Variants in MAGI2 observed in about 807,000 individuals in gnomAD.
The protein encoded by MAGI2 is membrane associated guanylate kinase, WW and PDZ domain containing 2.
Under a neutral mutation model 133.3 loss-of-function variants are expected in MAGI2, and 35 were observed. That is an observed-to-expected ratio of 0.26 (90% confidence interval 0.20 to 0.35). The LOEUF is 0.35. Among genes scored for constraint, MAGI2 ranks in the 10% least tolerant of loss-of-function variants. The pLI is 1.00. For missense variants in MAGI2, 1,636 were observed against 1,863.4 expected (o/e 0.88, Z 2.25); for synonymous variants, 729 against 710.6 (o/e 1.03, Z -0.41).
intron 2 of MAGI2, among the ~76,000 whole-genome samples, chr7:78,841,221 C>G (rs1792118349): frequency 6.6e-6 from 1 of 152,054 alleles, no homozygotes; most frequent in African/African-American, 2.4e-5. Flanking sequence ...GCCTCCACCA[C>G]TAAAATGAAG....
intron 1 of MAGI2, among the ~76,000 whole-genome samples, chr7:79,409,757 T>C (rs927454385): frequency 6.6e-6 from 1 of 152,108 alleles, no homozygotes; most frequent in African/African-American, 2.4e-5. Context: ...ATTTTAGTTT[T>C]TACAACTGAG....
intron 3 of MAGI2, chr7:78,616,968 C>T (rs994435718): frequency 1.3e-5 from 2 of 152,056 alleles, no homozygotes; most frequent in Admixed American, 1.3e-4. Context: ...TAGTGAGGTA[C>T]ACTGACAATA....
At chr7:78,623,160 T>C (rs964104983) in intron 3 of MAGI2, among the ~76,000 whole-genome samples, 5 of 152,074 alleles carry the variant, frequency 3.3e-5, no homozygotes, top group Non-Finnish European at 5.9e-5. Flanking sequence ...CCATTAACAT[T>C]TGACATAATT....
At chr7:78,788,115 C>G (rs1303790109) in intron 2 of MAGI2, among the ~76,000 whole-genome samples, 1 of 152,192 alleles carries the variant, frequency 6.6e-6, no homozygotes, top group East Asian at 1.9e-4. Flanking sequence ...TAGAATGGTT[C>G]TAGGTGACAC....
chr7:79,178,383 A>G (rs547288031), intron 1 of MAGI2, among the ~76,000 whole-genome samples: 21 of 152,122 alleles, frequency 1.4e-4, no homozygotes, highest in African/African-American at 5.1e-4. Context: ...ATATGTCCCT[A>G]TGAAAGAGTG....
At chr7:78,884,400 C>G (rs1796109199) in intron 2 of MAGI2, among the ~76,000 whole-genome samples, 1 of 152,124 alleles carries the variant, frequency 6.6e-6, no homozygotes, top group Non-Finnish European at 1.5e-5. Context: ...GGGAGGATTA[C>G]TTGAGTCTGG....
At chr7:78,861,614 T>C (rs1051569224) in intron 2 of MAGI2, among the ~76,000 whole-genome samples, 1 of 152,194 alleles carries the variant, frequency 6.6e-6, no homozygotes, top group African/African-American at 2.4e-5. Context: ...TCACTAGTGA[T>C]GTCATCTCAA....
At chr7:78,296,220 AAGCC>A (rs1194677812) in intron 9 of MAGI2, among the ~76,000 whole-genome samples, 2 of 152,202 alleles carry the variant, frequency 1.3e-5, no homozygotes, top group Non-Finnish European at 2.9e-5. Flanking sequence ...TTTAGAATGA[AAGCC>A]AGAAGATGCC....
chr7:78,089,264 T>G (rs1816949346), intron 20 of MAGI2, among the ~76,000 whole-genome samples: 1 of 152,238 alleles, frequency 6.6e-6, no homozygotes, highest in Non-Finnish European at 1.5e-5. Context: ...CTGCTGATGC[T>G]TCTCATTGGC....
At chr7:78,342,334 C>T (rs1037581239) in intron 9 of MAGI2, among the ~76,000 whole-genome samples, 6 of 151,876 alleles carry the variant, frequency 4.0e-5, no homozygotes, top group African/African-American at 9.7e-5. Flanking sequence ...TGGAGAAACA[C>T]GAACAAACGC....
At chr7:79,391,785 A>G (rs892185027) in intron 1 of MAGI2, among the ~76,000 whole-genome samples, 1 of 151,514 alleles carries the variant, frequency 6.6e-6, no homozygotes, top group African/African-American at 2.4e-5. Flanking sequence ...CCTGGTTCAC[A>G]CCATTCTCCT....
intron 1 of MAGI2, chr7:79,413,654 G>A (rs1490103014): frequency 6.6e-6 from 1 of 152,124 alleles, no homozygotes; most frequent in Admixed American, 6.6e-5. Flanking sequence ...CAGGTCCTTT[G>A]TGTCTGTTAT....
At chr7:79,166,142 TA>T (rs1486591480) in intron 1 of MAGI2, among the ~76,000 whole-genome samples, 2 of 152,106 alleles carry the variant, frequency 1.3e-5, no homozygotes, top group Non-Finnish European at 2.9e-5. Flanking sequence ...GGCAGAACTC[TA>T]AGGTGGCCCC....
intron 6 of MAGI2, among the ~76,000 whole-genome samples, chr7:78,474,810 T>C (rs1791577700): frequency 6.6e-6 from 1 of 151,614 alleles, no homozygotes; most frequent in South Asian, 2.1e-4. Flanking sequence ...GTATATATTA[T>C]TTAAATAATA....
At chr7:78,137,637 T>C (rs1822293167) in intron 16 of MAGI2, among the ~76,000 whole-genome samples, 1 of 152,132 alleles carries the variant, frequency 6.6e-6, no homozygotes, top group Non-Finnish European at 1.5e-5. Flanking sequence ...GGAAAATAGC[T>C]TCAGTTATGA....
chr7:78,270,453 A>G (rs1006233728), intron 9 of MAGI2, among the ~76,000 whole-genome samples: 26 of 152,160 alleles, frequency 1.7e-4, no homozygotes, highest in African/African-American at 5.8e-4. Context: ...AGTGGTTTGT[A>G]GTTCTTCTTG....
At chr7:78,936,241 T>C (rs1487453054) in intron 2 of MAGI2, among the ~76,000 whole-genome samples, 1 of 151,816 alleles carries the variant, frequency 6.6e-6, no homozygotes, top group East Asian at 1.9e-4. Context: ...AAATAGAAAA[T>C]AATCAATAAT....
intron 2 of MAGI2, among the ~76,000 whole-genome samples, chr7:78,920,652 A>T (rs539891157): frequency 6.6e-6 from 1 of 152,178 alleles, no homozygotes; most frequent in Non-Finnish European, 1.5e-5. Context: ...GTCTTATTTT[A>T]TATCCTCCAA....
chr7:79,368,073 A>G (rs1842835948), intron 1 of MAGI2, among the ~76,000 whole-genome samples: 1 of 151,780 alleles, frequency 6.6e-6, no homozygotes. Context: ...AGGGCAGAAG[A>G]TTCTGTGGAT....
Sources: allele counts gnomAD v4.1 joint callset (sites outside exome capture counted in the v4.1 genomes callset), GRCh38; gene constraint gnomAD v4.1.1; transcripts MANE v1.5; gene names NCBI Gene and HGNC (gene_info 2026-07-23, HGNC 2026-07-21).